AGBL1: variants seen among roughly 807,000 people sequenced by gnomAD.
AGBL1 encodes cytosolic carboxypeptidase 4.
Under a neutral mutation model 118.9 loss-of-function variants are expected in AGBL1, and 130 were observed. That is an observed-to-expected ratio of 1.09 (90% CI 0.95 to 1.26). The LOEUF (loss-of-function observed/expected upper bound fraction) is 1.26. Among genes scored for constraint, AGBL1 ranks in the 50% most tolerant of loss-of-function variants. AGBL1 has a pLI of 0.00. For missense variants in AGBL1, 1,584 were observed against 1,298.1 expected (o/e 1.22, Z -3.38); for synonymous variants, 555 against 478.9 (o/e 1.16, Z -2.08).
chr15:87,030,943 A>AGTG (rs1304511063), downstream of AGBL1, among the ~76,000 whole-genome samples: 3 of 151,966 alleles, frequency 2.0e-5, no homozygotes, highest in African/African-American at 7.2e-5. Context: ...GTGGCATCAC[A>AGTG]GGTCCTGATA....
chr15:86,873,217 C>G (rs1383350345), intron 22 of AGBL1, among the ~76,000 whole-genome samples: 1 of 152,078 alleles, frequency 6.6e-6, no homozygotes, highest in South Asian at 2.1e-4. Context: ...ACTTGAAGAG[C>G]TTGGGGAAGG....
chr15:86,122,762 A>G (rs1042731954), intron 1 of AGBL1, among the ~76,000 whole-genome samples: 2 of 152,166 alleles, frequency 1.3e-5, no homozygotes, highest in Non-Finnish European at 2.9e-5. Flanking sequence ...CTTGGCCAAG[A>G]GCCTTCCAAA....
intron 22 of AGBL1, among the ~76,000 whole-genome samples, chr15:86,680,864 G>C (rs1356933686): frequency 6.6e-6 from 1 of 151,774 alleles, no homozygotes; most frequent in Non-Finnish European, 1.5e-5. Context: ...ACTGCACCTG[G>C]CCGCACCCTG....
At chr15:86,722,828 C>T (rs142431653) in intron 22 of AGBL1, among the ~76,000 whole-genome samples, 42 of 152,156 alleles carry the variant, frequency 2.8e-4, no homozygotes, top group African/African-American at 7.5e-4. Flanking sequence ...ACAACCCCAT[C>T]AACAAGTGGG....
At chr15:86,149,400 G>A (rs918388669) in intron 3 of AGBL1, among the ~76,000 whole-genome samples, 18 of 152,070 alleles carry the variant, frequency 1.2e-4, no homozygotes, top group African/African-American at 4.3e-4. Context: ...ATGCAAAGAT[G>A]CACATAGGCT....
chr15:86,546,364 G>A (rs1435750838), intron 20 of AGBL1, among the ~76,000 whole-genome samples: 1 of 151,736 alleles, frequency 6.6e-6, no homozygotes, highest in Non-Finnish European at 1.5e-5. Flanking sequence ...TGTTTTCTAT[G>A]TGGTTTGATA....
chr15:86,396,530 A>C (rs889853787), intron 17 of AGBL1, among the ~76,000 whole-genome samples: 1 of 151,692 alleles, frequency 6.6e-6, no homozygotes, highest in Non-Finnish European at 1.5e-5. Flanking sequence ...CAGATATTTA[A>C]CTCTTTTGTC....
rs1474277649 is a variant in AGBL1 at position 86,735,049 on chromosome 15, AGATGTTG to A, written c.3158+60614_3158+60620del. On this transcript the variant is annotated intron_variant, in intron 22 of 22. Coordinates refer to ENST00000614907, the MANE Select transcript of AGBL1 (RefSeq NM_001386094.1). ...AGGCATCATACTCAGTGTGAAATAA[AGATGTTG>A]TTTCTTGGCATATAGTTATAATAAT... Among the ~76,000 whole-genome samples, 1,097 of 151,600 alleles carry A rather than the reference AGATGTTG, an allele frequency of 7.2e-3. 4 individuals carry two copies. Among genetic ancestry groups the A allele is most frequent in the African/African-American group, 0.023 (933 of 41,368 alleles).
rs1567119055 is a variant in AGBL1 at position 86,196,871 on chromosome 15, GCGCGCGCGCACACACA to G, written c.489-28041_489-28026del. Reference sequence around the variant, plus strand: ...TGCATATGCGAATGTGCACATGTGCGCGCGCGCGCACACACACACACACACACACACACACACACAC... The same window carrying G: ...TGCATATGCGAATGTGCACATGTGCGCACACACACACACACACACACACAC... On this transcript the variant is annotated intron_variant, in intron 5 of 22. Transcript: ENST00000614907. 8.5e-4 allele frequency among the ~76,000 whole-genome samples: 85 copies of G among 99,622 alleles called. 3 individuals are homozygous for G. The East Asian group carries it at 0.013, about 15-fold the overall frequency. The allele number at this position is 99,622 out of a possible 152,430, so 65.4% of individuals were successfully genotyped here.
intron 7 of AGBL1, among the ~76,000 whole-genome samples, chr15:86,251,190 T>A (rs539210043): frequency 6.6e-6 from 1 of 152,206 alleles, no homozygotes; most frequent in African/African-American, 2.4e-5. Context: ...GGCACGTAAC[T>A]GTTAAGTAAT....
chr15:86,239,970 T>C (rs2078616157), intron 6 of AGBL1, among the ~76,000 whole-genome samples: 1 of 152,210 alleles, frequency 6.6e-6, no homozygotes, highest in Non-Finnish European at 1.5e-5. Flanking sequence ...CATAGATATA[T>C]ACAATCATTG....
intron 18 of AGBL1, among the ~76,000 whole-genome samples, chr15:86,462,742 T>C (rs950519019): frequency 6.6e-6 from 1 of 152,192 alleles, no homozygotes; most frequent in East Asian, 1.9e-4. Context: ...GCTTCATCCA[T>C]GTCCCTGCAA....
At chr15:86,538,937 G>T (rs911842337) in intron 19 of AGBL1, among the ~76,000 whole-genome samples, 4 of 152,224 alleles carry the variant, frequency 2.6e-5, no homozygotes, top group African/African-American at 7.2e-5. Context: ...GATGAGGAAG[G>T]CATGTGAGAA....
chr15:86,342,795 A>T (rs1438294594), intron 17 of AGBL1, among the ~76,000 whole-genome samples: 4 of 152,186 alleles, frequency 2.6e-5, no homozygotes. Flanking sequence ...TAGGTACTAG[A>T]TTTATGTTGA....
intron 16 of AGBL1, among the ~76,000 whole-genome samples, chr15:86,293,682 T>C (rs2079585560): frequency 6.6e-6 from 1 of 152,220 alleles, no homozygotes; most frequent in African/African-American, 2.4e-5. Context: ...CTTCTTACCA[T>C]ATCTGTAGTA....
intron 21 of AGBL1, among the ~76,000 whole-genome samples, chr15:86,589,951 A>G (rs1381793072): frequency 2.6e-5 from 4 of 152,156 alleles, no homozygotes; most frequent in South Asian, 2.1e-4. Context: ...ATTCTCTTAC[A>G]TATGTAGGGG....
chr15:86,090,789 T>A (rs1445544517), intron 1 of AGBL1, among the ~76,000 whole-genome samples: 1 of 152,228 alleles, frequency 6.6e-6, no homozygotes, highest in Non-Finnish European at 1.5e-5. Flanking sequence ...CTCTTATACT[T>A]AATGATGTTT....
At chr15:86,839,739 T>C (rs564614693) in intron 22 of AGBL1, among the ~76,000 whole-genome samples, 1 of 152,270 alleles carries the variant, frequency 6.6e-6, no homozygotes, top group Admixed American at 6.5e-5. Flanking sequence ...TTCTGGCATA[T>C]AGGATAGATA....
chr15:86,746,337 T>C (rs559693692), intron 22 of AGBL1, among the ~76,000 whole-genome samples: 2 of 152,242 alleles, frequency 1.3e-5, no homozygotes, highest in Non-Finnish European at 2.9e-5. Context: ...CCTCTGAGCC[T>C]TTAACCTTGC....
Sources: allele counts gnomAD v4.1 joint callset (sites outside exome capture counted in the v4.1 genomes callset), GRCh38; gene constraint gnomAD v4.1.1; transcripts MANE v1.5; gene names NCBI Gene and HGNC (gene_info 2026-07-23, HGNC 2026-07-21).